KANSL1: variants seen among roughly 807,000 people sequenced by gnomAD.
KANSL1 encodes MLL1/MLL complex subunit KANSL1.
Under a neutral mutation model 103.6 loss-of-function variants are expected in KANSL1, and 22 were observed. The ratio of observed to expected loss-of-function variants is 0.21; its 90% CI spans 0.15 to 0.30. KANSL1 has a LOEUF of 0.30. Among genes scored for constraint, KANSL1 ranks in the 10% least tolerant of loss-of-function variants. The probability of loss-of-function intolerance (pLI) is 1.00; values close to 1 mark genes in which losing one functional copy is unlikely to be tolerated. For missense variants in KANSL1, 1,337 were observed against 1,399.8 expected (o/e 0.96, Z 0.72); for synonymous variants, 600 against 527.6 (o/e 1.14, Z -1.88).
chr17:46,170,062 A>C (rs1266932068), intron 2 of KANSL1, among the ~76,000 whole-genome samples: 1 of 152,234 alleles, frequency 6.6e-6, no homozygotes, highest in Admixed American at 6.5e-5. Flanking sequence ...GAATCACCTG[A>C]ACCCAGGAGC....
chr17:46,181,483 G>A (rs1362899956), intron 1 of KANSL1, among the ~76,000 whole-genome samples: 4 of 151,832 alleles, frequency 2.6e-5, no homozygotes, highest in African/African-American at 9.7e-5. Flanking sequence ...AGGCTGGAGT[G>A]CGATGGCGCG....
chr17:46,157,777 T>A (rs2045507219), intron 2 of KANSL1, among the ~76,000 whole-genome samples: 2 of 152,196 alleles, frequency 1.3e-5, no homozygotes. Context: ...GCAAAATGAG[T>A]CTTAAGCAAG....
intron 2 of KANSL1, among the ~76,000 whole-genome samples, chr17:46,142,169 T>C (rs2044455732): frequency 1.3e-5 from 2 of 152,254 alleles, no homozygotes; most frequent in African/African-American, 4.8e-5. Context: ...TCTGGAAGGA[T>C]GAAGAATTTC....
At chr17:46,166,464 A>G (rs1188954694) in intron 2 of KANSL1, among the ~76,000 whole-genome samples, 6 of 151,766 alleles carry the variant, frequency 4.0e-5, no homozygotes, top group Non-Finnish European at 8.8e-5. Flanking sequence ...GTGAGCCAAG[A>G]TCGCGCCACT....
chr17:46,170,530 A>G (rs2147725921), intron 2 of KANSL1: 1 of 369,752 alleles, frequency 2.7e-6, no homozygotes, highest in South Asian at 6.8e-5. Context: ...ATCATGTCCT[A>G]TATATAGTTT....
At chr17:46,185,979 A>G (rs951013038) in intron 1 of KANSL1, among the ~76,000 whole-genome samples, 9 of 152,352 alleles carry the variant, frequency 5.9e-5, no homozygotes, top group Middle Eastern at 3.4e-3. Context: ...ACAGAGGAAA[A>G]AAAAATCATA....
At chr17:46,113,607 C>G (rs2042916309) in intron 2 of KANSL1, among the ~76,000 whole-genome samples, 2 of 151,732 alleles carry the variant, frequency 1.3e-5, no homozygotes, top group African/African-American at 2.4e-5. Flanking sequence ...CTCCTCAGTT[C>G]TCTCATCCAA....
chr17:46,207,114 A>T (rs1474591404), intron 1 of KANSL1, among the ~76,000 whole-genome samples: 4 of 151,864 alleles, frequency 2.6e-5, no homozygotes, highest in Non-Finnish European at 4.4e-5. Flanking sequence ...TAATAATAAT[A>T]AAAAAAAACA....
rs756455623 is a variant in KANSL1 at position 46,039,219 on chromosome 17, A to G, written c.2204-4T>C. On this transcript the variant is annotated splice_region_variant and splice_polypyrimidine_tract_variant and intron_variant, in intron 8 of 14. Transcript: ENST00000432791. The stretch of plus-strand genomic sequence containing the variant: ...CGGGTTTGGTGATGGGACAGCTCTG[A>G]AGAGGGGAACAGAAAAAGAGCTGTG... The G allele has an allele frequency of 6.4e-7, 1 of 1,558,396 alleles. No homozygotes were observed. Among genetic ancestry groups the G allele is most frequent in the East Asian group, 2.3e-5 (1 of 43,628 alleles).
chr17:46,193,794 G>A (rs1265815653), upstream of KANSL1: 6 of 167,046 alleles, frequency 3.6e-5, no homozygotes, highest in Non-Finnish European at 6.7e-5. Flanking sequence ...TGGGGCCGGC[G>A]GTGCGGCTCG....
At chr17:46,040,638 C>G (rs1436675524) in intron 7 of KANSL1, 1 of 152,206 alleles carries the variant, frequency 6.6e-6, no homozygotes, top group Non-Finnish European at 1.5e-5. Flanking sequence ...GAATCGGATT[C>G]TTTCTTACTT....
At chr17:46,219,721 T>C (rs2048460666) in intron 1 of KANSL1, among the ~76,000 whole-genome samples, 1 of 152,266 alleles carries the variant, frequency 6.6e-6, no homozygotes, top group South Asian at 2.1e-4. Flanking sequence ...TATACATCTA[T>C]AAATTCAAAA....
intron 2 of KANSL1, among the ~76,000 whole-genome samples, chr17:46,163,691 T>G (rs1352650014): frequency 6.6e-6 from 1 of 152,230 alleles, no homozygotes; most frequent in Non-Finnish European, 1.5e-5. Context: ...CAGCCAGGCT[T>G]AAAACTTCAA....
chr17:46,138,146 C>T (rs1395423155), intron 2 of KANSL1, among the ~76,000 whole-genome samples: 1 of 152,080 alleles, frequency 6.6e-6, no homozygotes, highest in Non-Finnish European at 1.5e-5. Context: ...CATCCCAAAC[C>T]CAAGATCCAA....
chr17:46,148,787 T>C (rs2044884783), intron 2 of KANSL1, among the ~76,000 whole-genome samples: 1 of 151,682 alleles, frequency 6.6e-6, no homozygotes, highest in South Asian at 2.1e-4. Context: ...GGTTTAACCA[T>C]GTTGGCCAGG....
intron 2 of KANSL1, among the ~76,000 whole-genome samples, chr17:46,117,816 A>G (rs1354200899): frequency 6.6e-6 from 1 of 152,234 alleles, no homozygotes; most frequent in Non-Finnish European, 1.5e-5. Flanking sequence ...ACTCAAAAAG[A>G]CACAAAGATT....
intron 1 of KANSL1, among the ~76,000 whole-genome samples, chr17:46,188,211 C>T (rs1314706414): frequency 1.3e-5 from 2 of 152,218 alleles, no homozygotes; most frequent in Non-Finnish European, 2.9e-5. Flanking sequence ...AGCCTTCAAA[C>T]GCTGGTGAAC....
Position 46,039,897 on chromosome 17 carries a change from T to C in KANSL1, c.2021-13A>G. 1 of 1,613,854 alleles carries C rather than the reference T, an allele frequency of 6.2e-7. No individual in the cohort carries two copies. The highest frequency in any genetic ancestry group is 8.5e-7 in the Non-Finnish European group (1 of 1,179,762). On this transcript the variant is annotated splice_polypyrimidine_tract_variant and intron_variant, in intron 7 of 14. Coordinates refer to ENST00000432791, the MANE Select transcript of KANSL1 (RefSeq NM_015443.4). ...CTTGTGGGAACATCTGCAAGAAACA[T>C]AAAATGCTACAGGTTAGTCCAAACA... is the stretch of plus-strand genomic sequence containing the variant.
At chr17:46,141,351 G>T (rs1164581700) in intron 2 of KANSL1, among the ~76,000 whole-genome samples, 2 of 152,328 alleles carry the variant, frequency 1.3e-5, no homozygotes, top group Admixed American at 6.5e-5. Flanking sequence ...CAGAACCCTA[G>T]ATTTAGATAA....
Sources: gnomAD v4.1 joint callset for allele counts (sites outside exome capture counted in the v4.1 genomes callset) on GRCh38, gnomAD v4.1.1 for gene constraint, MANE v1.5 for transcripts, NCBI Gene and HGNC (gene_info 2026-07-23, HGNC 2026-07-21) for gene names.